The following PCDH15 variants were observed in gnomAD, a reference collection of about 807,000 sequenced individuals.
PCDH15 encodes the protein protocadherin related 15.
A neutral mutation model predicts 178.5 loss-of-function variants in PCDH15; 129 were observed. The observed-to-expected ratio is 0.72, with a 90% CI of 0.63 to 0.84. PCDH15 has a LOEUF of 0.84. Ranked by LOEUF, PCDH15 falls within the 40% of genes least tolerant of loss-of-function variation. The probability of loss-of-function intolerance (pLI) is 0.00; values close to 1 mark genes in which losing one functional copy is unlikely to be tolerated. For missense variants in PCDH15, 2,230 were observed against 2,099.9 expected, an observed-to-expected ratio of 1.06 and a Z score of -1.21; for synonymous variants, 800 against 732.0, an observed-to-expected ratio of 1.09 and a Z score of -1.50.
Position 54,317,369 on chromosome 10 carries a change from C to T in PCDH15, c.778G>A (p.Asp260Asn). 2 of 1,614,002 alleles carry T rather than the reference C, an allele frequency of 1.2e-6. No homozygotes were observed. Among genetic ancestry groups the T allele is most frequent in the Non-Finnish European group, 1.7e-6 (2 of 1,179,938 alleles). ...CAAGGAAGAAACATTGGACCCAAGTCATCTCCATCCAGAACATCCACTGTG... is the reference window on the plus strand; with the variant it reads ...CAAGGAAGAAACATTGGACCCAAGTTATCTCCATCCAGAACATCCACTGTG... Reference protein sequence around the residue: ...TLTVDVLDGDDLGPMFLPCVL... With the variant: ...TLTVDVLDGDNLGPMFLPCVL... The change falls in exon 8 of 38, where the codon GAC (aspartate) becomes AAC (asparagine). Residue 260 changes from aspartate to asparagine, a missense_variant. By Grantham distance (23) the Asp-to-Asn change is conservative. Transcript: ENST00000644397.
At chr10:53,821,047 TTAAAC>T in intron 32 of PCDH15, 1 of 925,560 alleles carries the variant, frequency 1.1e-6, no homozygotes, top group African/African-American at 1.8e-5. Context: ...ACAAACAAAA[TTAAAC>T]AGCACTTTTT....
At chr10:55,330,672 G>T (rs1049735394) in intron 2 of PCDH15, among the ~76,000 whole-genome samples, 1 of 151,782 alleles carries the variant, frequency 6.6e-6, no homozygotes, top group Non-Finnish European at 1.5e-5. Flanking sequence ...CTTTAGAAAA[G>T]CCATCAATGT....
intron 2 of PCDH15, among the ~76,000 whole-genome samples, chr10:55,489,135 C>T (rs942809771): frequency 8.6e-5 from 13 of 151,410 alleles, no homozygotes; most frequent in African/African-American, 1.2e-4. Context: ...ACCACCATCA[C>T]TTTTATTTTC....
chr10:55,090,910 T>C (rs1461220705), intron 2 of PCDH15, among the ~76,000 whole-genome samples: 1 of 111,776 alleles, frequency 8.9e-6, no homozygotes, highest in African/African-American at 6.7e-5. Flanking sequence ...AATGTACTAT[T>C]TCTTTTTTTT....
chr10:55,308,493 G>A (rs1843489389), intron 1 of PCDH15, among the ~76,000 whole-genome samples: 1 of 152,174 alleles, frequency 6.6e-6, no homozygotes, highest in African/African-American at 2.4e-5. Flanking sequence ...ATTATTTTGA[G>A]TAGGAAAGTG....
intron 2 of PCDH15, among the ~76,000 whole-genome samples, chr10:55,559,978 C>T (rs778612782): frequency 6.6e-6 from 1 of 152,008 alleles, no homozygotes; most frequent in Non-Finnish European, 1.5e-5. Context: ...AGTGATTATA[C>T]GCCTAGACTC....
intron 2 of PCDH15, among the ~76,000 whole-genome samples, chr10:54,560,591 C>A (rs1469591575): frequency 6.6e-6 from 1 of 151,696 alleles, no homozygotes; most frequent in Non-Finnish European, 1.5e-5. Flanking sequence ...TTAAAATTTG[C>A]CCTTTCAAAA....
At chr10:54,741,264 A>G (rs1160545280) in intron 1 of PCDH15, among the ~76,000 whole-genome samples, 1 of 151,246 alleles carries the variant, frequency 6.6e-6, no homozygotes, top group East Asian at 1.9e-4. Context: ...ATATATTAAT[A>G]TATAAAACTA....
rs531805720 is a variant in PCDH15, at chr10:54,470,654, T to G, written c.157+57158A>C. On this transcript the variant is annotated intron_variant, in intron 3 of 37. Transcript: ENST00000644397. Reference sequence around the variant, plus strand: ...TACCATGGCTAAGATTTCAGGAATCTGCTGTGGAAATGTGGACCACTGGGG... The same window carrying G: ...TACCATGGCTAAGATTTCAGGAATCGGCTGTGGAAATGTGGACCACTGGGG... Among the ~76,000 whole-genome samples, 92 of 152,270 alleles carry G rather than the reference T, an allele frequency of 6.0e-4. No homozygotes were observed. The Middle Eastern group carries it at 0.014, about 23-fold the overall frequency.
chr10:55,329,234 A>G (rs1844129577), intron 2 of PCDH15, among the ~76,000 whole-genome samples: 1 of 151,220 alleles, frequency 6.6e-6, no homozygotes, highest in South Asian at 2.1e-4. Flanking sequence ...TTTATATAAT[A>G]TAATGCTTTA....
intron 2 of PCDH15, among the ~76,000 whole-genome samples, chr10:55,326,699 G>T (rs539533786): frequency 3.6e-4 from 54 of 151,982 alleles, no homozygotes; most frequent in Non-Finnish European, 7.2e-4. Flanking sequence ...AGGAACAAAA[G>T]ATGTAAAATA....
chr10:54,284,302 G>T (rs10825297), intron 8 of PCDH15, among the ~76,000 whole-genome samples: 78,470 of 152,010 alleles, frequency 0.52, 21,064 homozygotes, highest in Middle Eastern at 0.62. Flanking sequence ...TTGAAAAGAT[G>T]CTTTGAAAGT....
chr10:54,174,736 C>T (rs2047276077), intron 13 of PCDH15, among the ~76,000 whole-genome samples: 2 of 103,544 alleles, frequency 1.9e-5, no homozygotes, highest in Non-Finnish European at 3.6e-5. Flanking sequence ...GACAGAGTCT[C>T]GTTCCGTCAC....
chr10:55,215,731 T>G (rs999295999), intron 1 of PCDH15, among the ~76,000 whole-genome samples: 3 of 152,026 alleles, frequency 2.0e-5, no homozygotes, highest in Non-Finnish European at 4.4e-5. Context: ...CAGTGAGCAA[T>G]TTTATGAACA....
chr10:53,868,976 T>G (rs922622194), intron 26 of PCDH15, among the ~76,000 whole-genome samples: 2 of 152,162 alleles, frequency 1.3e-5, no homozygotes, highest in Admixed American at 6.5e-5. Context: ...CCACTACGCC[T>G]GGCTAATTCT....
chr10:55,450,505 A>G (rs1399308366), intron 2 of PCDH15, among the ~76,000 whole-genome samples: 1 of 152,194 alleles, frequency 6.6e-6, no homozygotes, highest in Non-Finnish European at 1.5e-5. Context: ...CCTCTCCGGC[A>G]TTTACCTACA....
At chr10:54,216,158 TA>T in intron 9 of PCDH15, among the ~76,000 whole-genome samples, 1 of 150,866 alleles carries the variant, frequency 6.6e-6, no homozygotes, top group Admixed American at 6.6e-5. Flanking sequence ...GTGAGGGATT[TA>T]AAAAGTGTGG....
chr10:54,024,866 T>C (rs941465722), intron 18 of PCDH15, among the ~76,000 whole-genome samples: 1 of 151,958 alleles, frequency 6.6e-6, no homozygotes, highest in Non-Finnish European at 1.5e-5. Context: ...AAGAGGGTGA[T>C]CTCTTTTTTT....
At chr10:55,553,133 T>C (rs1033002230) in intron 2 of PCDH15, among the ~76,000 whole-genome samples, 2 of 151,602 alleles carry the variant, frequency 1.3e-5, no homozygotes, top group African/African-American at 2.4e-5. Flanking sequence ...GAGATAATCA[T>C]TGACCACAGA....
Sources: allele counts gnomAD v4.1 joint callset (sites outside exome capture counted in the v4.1 genomes callset), GRCh38; gene constraint gnomAD v4.1.1; transcripts MANE v1.5; gene names NCBI Gene and HGNC (gene_info 2026-07-23, HGNC 2026-07-21).